The following IL1RAPL1 variants were observed in gnomAD, a reference collection of about 807,000 sequenced individuals.
The protein encoded by IL1RAPL1 is interleukin 1 receptor accessory protein like 1.
In IL1RAPL1, 3 loss-of-function variants were observed where a neutral mutation model predicts 48.4. The ratio of observed to expected loss-of-function variants is 0.06; its 90% CI spans 0.03 to 0.16. The LOEUF (loss-of-function observed/expected upper bound fraction) is 0.16. IL1RAPL1 is among the 10% of genes least tolerant of loss of function. IL1RAPL1 has a pLI of 1.00. For synonymous variants in IL1RAPL1, 185 were observed against 187.7 expected, an observed-to-expected ratio of 0.99 and a Z score of 0.12; for missense variants, 349 against 530.6, an observed-to-expected ratio of 0.66 and a Z score of 3.36.
chrX:28,860,582 C>T (rs1160259716), intron 2 of IL1RAPL1, among the ~76,000 whole-genome samples: 3 of 108,453 alleles, frequency 2.8e-5, no homozygotes, highest in Admixed American at 9.9e-5. Context: ...CTCAGACTCC[C>T]GAGTAGCTGG....
At chrX:29,631,842 TCA>T (rs1272116199) in intron 5 of IL1RAPL1, among the ~76,000 whole-genome samples, 1 of 111,032 alleles carries the variant, frequency 9.0e-6, no homozygotes, top group Admixed American at 9.6e-5. Context: ...GCTAATTGAA[TCA>T]CACACACAAC....
intron 1 of IL1RAPL1, among the ~76,000 whole-genome samples, chrX:28,653,438 G>A (rs1934710402): frequency 9.1e-6 from 1 of 110,006 alleles, no homozygotes; most frequent in Non-Finnish European, 1.9e-5. Flanking sequence ...TCATGCCACT[G>A]CACTCCAGCC....
intron 1 of IL1RAPL1, among the ~76,000 whole-genome samples, chrX:28,634,510 T>G (rs1934442693): frequency 9.1e-6 from 1 of 109,926 alleles, no homozygotes; most frequent in Non-Finnish European, 1.9e-5. Flanking sequence ...TGTATATATA[T>G]ATGAGCTCCT....
intron 5 of IL1RAPL1, among the ~76,000 whole-genome samples, chrX:29,512,068 T>A: frequency 9.8e-6 from 1 of 102,485 alleles, no homozygotes. Flanking sequence ...AGCACAGGCA[T>A]GTTCAAATTG....
chrX:29,184,005 A>AAAAAC (rs961152439), intron 2 of IL1RAPL1, among the ~76,000 whole-genome samples: 2 of 112,056 alleles, frequency 1.8e-5, no homozygotes, highest in Non-Finnish European at 3.8e-5. Flanking sequence ...CCCTTTTTTT[A>AAAAAC]AAAACAAAAC....
chrX:29,159,381 ACTT>A (rs1306166140), intron 2 of IL1RAPL1, among the ~76,000 whole-genome samples: 120 of 111,580 alleles, frequency 1.1e-3, no homozygotes, highest in African/African-American at 2.7e-3. Flanking sequence ...TTTACATGAC[ACTT>A]CTTCTTTAAC....
chrX:29,465,366 G>A (rs781745810), intron 5 of IL1RAPL1, among the ~76,000 whole-genome samples: 19 of 111,691 alleles, frequency 1.7e-4, no homozygotes, highest in Non-Finnish European at 1.5e-4. Context: ...TGATTGTGCC[G>A]CTGCACTCCA....
intron 3 of IL1RAPL1, among the ~76,000 whole-genome samples, chrX:29,344,651 T>C (rs190980435): frequency 2.1e-4 from 23 of 111,755 alleles, no homozygotes; most frequent in Non-Finnish European, 4.1e-4. Flanking sequence ...TGTTTTTGTT[T>C]TTTTGAAACA....
At chrX:28,721,866 T>G (rs1240503482) in intron 1 of IL1RAPL1, among the ~76,000 whole-genome samples, 12 of 110,681 alleles carry the variant, frequency 1.1e-4, no homozygotes, top group Middle Eastern at 4.7e-3. Context: ...TTTCCCCATT[T>G]CTTGTTTTTG....
intron 5 of IL1RAPL1, among the ~76,000 whole-genome samples, chrX:29,651,066 A>G (rs1925501882): frequency 9.1e-6 from 1 of 109,819 alleles, no homozygotes; most frequent in Non-Finnish European, 1.9e-5. Flanking sequence ...AATCATGACC[A>G]CAGTGAGCTA....
At chrX:28,723,949 G>T (rs911310624) in intron 1 of IL1RAPL1, among the ~76,000 whole-genome samples, 5 of 111,997 alleles carry the variant, frequency 4.5e-5, no homozygotes, top group African/African-American at 1.3e-4. Flanking sequence ...TTGCACTGTG[G>T]TCTGAGAGAC....
At chrX:29,872,389 G>A (rs1931816280) in intron 6 of IL1RAPL1, among the ~76,000 whole-genome samples, 1 of 111,943 alleles carries the variant, frequency 8.9e-6, no homozygotes, top group African/African-American at 3.2e-5. Context: ...GCAAAAAGGG[G>A]AGATTTTTAG....
chrX:29,323,281 T>C (rs1379194210), intron 3 of IL1RAPL1, among the ~76,000 whole-genome samples: 1 of 111,393 alleles, frequency 9.0e-6, no homozygotes, highest in Non-Finnish European at 1.9e-5. Context: ...TCCCACTTCA[T>C]GCTAATCTAC....
chrX:29,226,301 A>G (rs1254914820), intron 2 of IL1RAPL1, among the ~76,000 whole-genome samples: 2 of 111,585 alleles, frequency 1.8e-5, no homozygotes, highest in Non-Finnish European at 3.8e-5. Flanking sequence ...GTTATGTCCC[A>G]GAATTCAGGA....
At chrX:29,544,723 A>ATG (rs61595803) in intron 5 of IL1RAPL1, among the ~76,000 whole-genome samples, 1,250 of 101,947 alleles carry the variant, frequency 0.012, 11 homozygotes, top group African/African-American at 0.035. Context: ...TGTGGAGATG[A>ATG]TGTGTGTGTG....
intron 2 of IL1RAPL1, among the ~76,000 whole-genome samples, chrX:28,828,382 T>C (rs984957870): frequency 1.8e-5 from 2 of 112,120 alleles, no homozygotes; most frequent in African/African-American, 3.2e-5. Flanking sequence ...CATGTGCTTA[T>C]TGCCATTTGT....
intron 2 of IL1RAPL1, among the ~76,000 whole-genome samples, chrX:29,042,595 T>C (rs1926870644): frequency 8.9e-6 from 1 of 111,741 alleles, no homozygotes; most frequent in Non-Finnish European, 1.9e-5. Context: ...GCCCTCATTG[T>C]AAGCGTAATT....
chrX:28,894,871 G>A (rs1218594973), intron 2 of IL1RAPL1, among the ~76,000 whole-genome samples: 5 of 110,845 alleles, frequency 4.5e-5, no homozygotes, highest in Non-Finnish European at 9.4e-5. Flanking sequence ...GAGATTAGCC[G>A]GACACGATCA....
intron 1 of IL1RAPL1, among the ~76,000 whole-genome samples, chrX:28,778,431 A>G (rs1177074417): frequency 9.0e-6 from 1 of 111,455 alleles, no homozygotes; most frequent in East Asian, 2.8e-4. Flanking sequence ...GATGGAATAT[A>G]TTTGCTTTTC....
Sources: gnomAD v4.1 joint callset for allele counts (sites outside exome capture counted in the v4.1 genomes callset) on GRCh38, gnomAD v4.1.1 for gene constraint, MANE v1.5 for transcripts, NCBI Gene and HGNC (gene_info 2026-07-23, HGNC 2026-07-21) for gene names.